FAM3B: variants seen among roughly 807,000 people sequenced by gnomAD.
The protein encoded by FAM3B is FAM3 metabolism regulating signaling molecule B, also known as protein FAM3B.
A neutral mutation model predicts 28.4 loss-of-function variants in FAM3B; 29 were observed. The ratio of observed to expected loss-of-function variants is 1.02; its 90% CI spans 0.76 to 1.39. The LOEUF (loss-of-function observed/expected upper bound fraction) is 1.39, where lower values mean the gene tolerates loss of function less well. FAM3B is among the 40% of genes most tolerant of loss of function. The probability of loss-of-function intolerance (pLI) is 0.00; values close to 1 mark genes in which losing one functional copy is unlikely to be tolerated. For synonymous variants in FAM3B, 91 were observed against 103.0 expected, an observed-to-expected ratio of 0.88 and a Z score of 0.71; for missense variants, 266 against 293.9, an observed-to-expected ratio of 0.91 and a Z score of 0.69.
intron 1 of FAM3B, 131 bp from the exon 2 acceptor site, chr21:41,322,792 G>A (rs2088818512): frequency 1.4e-6 from 2 of 1,402,702 alleles, no homozygotes; most frequent in African/African-American, 1.4e-5. Flanking sequence ...CCTCCTCCCA[G>A]GAGCACAGTG....
intron 1 of FAM3B, among the ~76,000 whole-genome samples, chr21:41,311,250 AAATATAT>A (rs1261822047): frequency 7.7e-4 from 43 of 55,950 alleles, no homozygotes; most frequent in African/African-American, 2.7e-3. Context: ...AAAAAAAAAA[AAATATAT>A]ATATATATAT....
intron 7 of FAM3B, among the ~76,000 whole-genome samples, chr21:41,355,375 G>A (rs11701182): frequency 0.087 from 13,227 of 152,146 alleles, 715 homozygotes; most frequent in Admixed American, 0.13. Context: ...GTGCACAAAT[G>A]TGCATAGCAA....
intron 1 of FAM3B, among the ~76,000 whole-genome samples, chr21:41,317,301 C>T (rs1036178818): frequency 6.7e-6 from 1 of 148,736 alleles, no homozygotes; most frequent in South Asian, 2.2e-4. Context: ...GGGAAGGGTA[C>T]GCGCCTGCCC....
At chr21:41,311,252 ATATATATAT>A (rs1255484042) in intron 1 of FAM3B, among the ~76,000 whole-genome samples, 731 of 21,530 alleles carry the variant, frequency 0.034, 7 homozygotes, top group Non-Finnish European at 0.047. Context: ...AAAAAAAAAA[ATATATATAT>A]ATATATATAT....
At chr21:41,338,353 C>G in intron 2 of FAM3B, 25 bp from the exon 3 acceptor site, 1 of 1,613,500 alleles carries the variant, frequency 6.2e-7, no homozygotes, top group Non-Finnish European at 8.5e-7. Flanking sequence ...ATGTTAATGG[C>G]TATATACTTT....
chr21:41,341,489 G>A (rs1469779574), intron 3 of FAM3B, among the ~76,000 whole-genome samples: 1 of 152,104 alleles, frequency 6.6e-6, no homozygotes, highest in Non-Finnish European at 1.5e-5. Context: ...TTTTGGTGGT[G>A]ATTTATTTCC....
At chr21:41,331,479 T>G (rs577705685) in intron 2 of FAM3B, among the ~76,000 whole-genome samples, 2 of 152,342 alleles carry the variant, frequency 1.3e-5, no homozygotes, top group African/African-American at 4.8e-5. Context: ...GTGTTGCCTG[T>G]GCTTTTAGGG....
upstream of FAM3B, among the ~76,000 whole-genome samples, chr21:41,314,577 T>C (rs1192939330): frequency 6.6e-6 from 1 of 152,198 alleles, no homozygotes; most frequent in Non-Finnish European, 1.5e-5. Context: ...GTAATTAAAG[T>C]AATTTAAGGA....
chr21:41,321,857 G>A (rs1216145465), intron 1 of FAM3B, among the ~76,000 whole-genome samples: 2 of 152,142 alleles, frequency 1.3e-5, no homozygotes, highest in Admixed American at 6.6e-5. Flanking sequence ...CCCCGGGTGG[G>A]GCCCATTGTC....
Position 41,323,070 on chromosome 21 carries a change from A to G in FAM3B, c.163+4A>G, listed in dbSNP as rs1269198798. On this transcript the variant is annotated splice_donor_region_variant and intron_variant, in intron 2 of 7. Coordinates refer to ENST00000357985, the MANE Select transcript of FAM3B (RefSeq NM_058186.4). ...GGGGAGAGGCCTGTCCTCAAAGGTG[A>G]GTGCCGTGCTTGGGGCAGACGGCTG... 1.4e-5 allele frequency: 23 copies of G among 1,602,724 alleles called. No homozygotes were observed. Among genetic ancestry groups the G allele is most frequent in the Non-Finnish European group, 1.9e-5 (22 of 1,179,796 alleles).
intron 7 of FAM3B, among the ~76,000 whole-genome samples, chr21:41,350,482 G>T (rs1373203384): frequency 6.6e-6 from 1 of 152,212 alleles, no homozygotes; most frequent in African/African-American, 2.4e-5. Flanking sequence ...ATGGATCTCA[G>T]AGTGGAGTCC....
At chr21:41,350,719 C>T (rs746533312) in intron 7 of FAM3B, among the ~76,000 whole-genome samples, 11 of 152,224 alleles carry the variant, frequency 7.2e-5, no homozygotes, top group African/African-American at 1.2e-4. Context: ...AGCCTCCTTG[C>T]GTGGATCTCC....
chr21:41,323,044 C>T lies in FAM3B; in HGVS notation c.141C>T (p.Ile47=), dbSNP rs148283845. 2.6e-5 allele frequency: 42 copies of T among 1,606,186 alleles called. No homozygotes were observed. The highest frequency in any genetic ancestry group is 3.3e-5 in the Non-Finnish European group (39 of 1,180,004). The change falls in exon 2 of 8, where the codon ATC becomes ATT. Residue 47 remains isoleucine, a synonymous_variant. Transcript: ENST00000357985. ...GTGCTGCCTATAGCATCCGCAGCAT[C>T]GGGGAGAGGCCTGTCCTCAAAGGTG... is the stretch of plus-strand genomic sequence containing the variant. ...LSSAAYSIRS[I]GERPVLKAPV... is the part of the protein sequence containing the mutation.
chr21:41,343,479 C>T (rs1375551999), intron 3 of FAM3B, among the ~76,000 whole-genome samples: 2 of 152,142 alleles, frequency 1.3e-5, no homozygotes, highest in African/African-American at 4.8e-5. Context: ...CTTTCTGCTT[C>T]AAGTTATTAT....
Position 41,317,970 on chromosome 21 carries a change from G to A in FAM3B, c.19+1072G>A, listed in dbSNP as rs570467941. On this transcript the variant is annotated intron_variant, in intron 1 of 7. Coordinates refer to ENST00000357985, the MANE Select transcript of FAM3B (RefSeq NM_058186.4). ...AGAGATATGTATCTCCTCCCTTAGG[G>A]CACCGACTTTCATTATAGCTATTCT... Among the ~76,000 whole-genome samples, 8 of 152,220 alleles carry A rather than the reference G, an allele frequency of 5.3e-5. No individual in the cohort carries two copies. The South Asian group carries it at 1.5e-3, about 28-fold the overall frequency.
At position 41,318,530 on chromosome 21, in the gene FAM3B, G is replaced by T. The variant is rs138141750; in HGVS notation, c.19+1632G>T. Among the ~76,000 whole-genome samples the T allele has an allele frequency of 2.6e-5, 4 of 152,304 alleles. No homozygotes were observed. The East Asian group carries it at 7.7e-4, about 29-fold the overall frequency. On this transcript the variant is annotated intron_variant, in intron 1 of 7. Coordinates refer to ENST00000357985, the MANE Select transcript of FAM3B (RefSeq NM_058186.4). ...AGCCCTTCTGCCAAAAAGGCTCAGT[G>T]CACAGGACAGTGATGACAGTGGACA...
intron 7 of FAM3B, among the ~76,000 whole-genome samples, chr21:41,352,584 G>A (rs1286520320): frequency 1.3e-5 from 2 of 152,110 alleles, no homozygotes; most frequent in African/African-American, 4.8e-5. Flanking sequence ...CACGAGGTCA[G>A]AAGTTCAAGA....
intron 1 of FAM3B, among the ~76,000 whole-genome samples, chr21:41,309,773 G>T (rs2088699883): frequency 1.3e-5 from 2 of 152,224 alleles, no homozygotes; most frequent in African/African-American, 4.8e-5. Context: ...TTTGATGGCT[G>T]TCCTTCCTGA....
intron 1 of FAM3B, among the ~76,000 whole-genome samples, chr21:41,322,193 C>G (rs2088812810): frequency 6.6e-6 from 1 of 152,152 alleles, no homozygotes; most frequent in Non-Finnish European, 1.5e-5. Context: ...GAGAGCCACC[C>G]CCCAGGCCTC....
Sources: allele counts gnomAD v4.1 joint callset (sites outside exome capture counted in the v4.1 genomes callset), GRCh38; gene constraint gnomAD v4.1.1; transcripts MANE v1.5; gene names NCBI Gene and HGNC (gene_info 2026-07-23, HGNC 2026-07-21).